The following COL16A1 variants were observed in gnomAD, a reference collection of about 807,000 sequenced individuals.
The protein encoded by COL16A1 is collagen type XVI alpha 1 chain.
A neutral mutation model predicts 266.3 loss-of-function variants in COL16A1; 189 were observed. The observed-to-expected ratio is 0.71, with a 90% CI of 0.63 to 0.80. The LOEUF (loss-of-function observed/expected upper bound fraction) is 0.80. COL16A1 is among the 30% of genes least tolerant of loss of function. The pLI is 0.00. For missense variants in COL16A1, 1,928 were observed against 2,122.4 expected (o/e 0.91, Z 1.80); for synonymous variants, 740 against 782.3 (o/e 0.95, Z 0.90).
At chr1:31,679,107 C>T in intron 42 of COL16A1, 1 of 222,498 alleles carries the variant, frequency 4.5e-6, no homozygotes, top group African/African-American at 2.3e-5. Flanking sequence ...ATTTTCTATA[C>T]TCACTCCCTG....
chr1:31,661,626 G>C (rs1293266130), intron 59 of COL16A1, 34 bp downstream of exon 59: 4 of 1,613,796 alleles, frequency 2.5e-6, no homozygotes, highest in African/African-American at 2.7e-5. Flanking sequence ...CTGCAACTTC[G>C]CAGCTTCCAA....
At position 31,668,962 on chromosome 1, in the gene COL16A1, GGAGGCCA is replaced by G; in HGVS notation, c.3196-114_3196-108del. On this transcript the variant is annotated intron_variant, in intron 49 of 70. Coordinates refer to ENST00000373672, the MANE Select transcript of COL16A1 (RefSeq NM_001856.4). This position sits in a 1 kb window ranked among gnomAD's most constrained non-coding sequence, Gnocchi z 5.8. ...TTCTGTTCCCACTCCAGGCAAATATGGAGGCCATAGTGGCTCTCGTAGTGTCCCTAGA... is the reference window on the plus strand; with the variant it reads ...TTCTGTTCCCACTCCAGGCAAATATGTAGTGGCTCTCGTAGTGTCCCTAGA... The G allele has an allele frequency of 1.1e-6, 1 of 945,208 alleles. No individual in the cohort carries two copies. Among genetic ancestry groups the G allele is most frequent in the South Asian group, 1.6e-5 (1 of 63,946 alleles). 58.6% of individuals were successfully genotyped at this position (945,208 alleles called of 1,614,324 possible). A position where few individuals can be genotyped will look rare whatever the true frequency, so the allele number is the denominator to read the frequency against.
chr1:31,672,369 A>G (rs1356237030), intron 47 of COL16A1, 47 bp downstream of exon 47: 1 of 1,608,880 alleles, frequency 6.2e-7, no homozygotes, highest in East Asian at 2.2e-5. Flanking sequence ...TCAAAGGCAG[A>G]CAGGGCCCCA....
In COL16A1 at chr1:31,688,681, G is replaced by A; in HGVS notation, c.1768-179C>T. 2 of 1,104,056 alleles carry A rather than the reference G, an allele frequency of 1.8e-6. No homozygotes were observed. The allele number at this position is 1,104,056 out of a possible 1,614,324, so 68.4% of individuals were successfully genotyped here. ...AGAGGTGCTAAGAGGAAGTTCCAGG[G>A]CAAGGAGCCTGGGGCAGCACAGGGA... On this transcript the variant is annotated intron_variant, in intron 25 of 70. Coordinates refer to ENST00000373672, the MANE Select transcript of COL16A1 (RefSeq NM_001856.4). This position sits in a 1 kb window ranked among gnomAD's most constrained non-coding sequence, Gnocchi z 4.9.
chr1:31,697,018 G>T lies in COL16A1; in HGVS notation c.809C>A (p.Ser270Tyr). Residue 270 changes from serine to tyrosine, a missense_variant, in exon 8 of 71, where the codon TCT becomes TAT. Ser to Tyr is a moderately radical substitution (Grantham distance 144). Transcript: ENST00000373672. This position sits in a 1 kb window ranked among gnomAD's most constrained non-coding sequence, Gnocchi z 4.2. ...GCAGCGGGTGTAGACCTTGCCTTCA[G>T]ACTGTGGATTGATCTCAATGAGCTC... Reference protein sequence around the residue: ...SNELIEINPQSEGKVYTRCFC... With the variant: ...SNELIEINPQYEGKVYTRCFC... 1 of 1,614,180 alleles carries T rather than the reference G, an allele frequency of 6.2e-7. No homozygotes were observed. Among genetic ancestry groups the T allele is most frequent in the South Asian group, 1.1e-5 (1 of 91,062 alleles).
intron 31 of COL16A1, 115 bp from the exon 32 acceptor site, chr1:31,684,346 A>G: frequency 6.9e-7 from 1 of 1,446,614 alleles, no homozygotes; most frequent in Non-Finnish European, 9.1e-7. Context: ...TCAGCCTGGG[A>G]AATCAAAACA....
chr1:31,678,116 CAG>C (rs796475681), intron 42 of COL16A1, among the ~76,000 whole-genome samples: 6 of 151,938 alleles, frequency 3.9e-5, no homozygotes, highest in African/African-American at 1.4e-4. Context: ...GGGATCCTGG[CAG>C]AGACTCCCAT....
chr1:31,699,876 ATCT>A lies in COL16A1; in HGVS notation c.200_202del (p.Lys67del), dbSNP rs746922654. 5.6e-6 allele frequency: 9 copies of A among 1,614,098 alleles called. No individual in the cohort carries two copies. The highest frequency in any genetic ancestry group is 7.6e-6 in the Non-Finnish European group (9 of 1,179,992). On this transcript the variant is annotated inframe_deletion, in exon 4 of 71. Transcript: ENST00000373672. ...GATGAGAGGCCCCTTGGGGTTGCGG[ATCT>A]TCTTGATGGCAGACGTCTTCATGAG...
chr1:31,687,414 GAC>G (rs143135979), intron 26 of COL16A1, among the ~76,000 whole-genome samples: 4,405 of 140,436 alleles, frequency 0.031, 206 homozygotes, highest in African/African-American at 0.1. Context: ...ACAACGCACA[GAC>G]ACACACACAC....
rs1421819324 is a variant in COL16A1 at position 31,683,683 on chromosome 1, GC to G, written c.2379+23del. On this transcript the variant is annotated intron_variant, in intron 34 of 70. Transcript: ENST00000373672. ...GCTAATGGAAGTGCTGAGAGGACAG[GC>G]AAAGGCAGGGCTAGAGACTCACCTG... is the stretch of plus-strand genomic sequence containing the variant. The G allele has an allele frequency of 1.9e-6, 3 of 1,613,966 alleles. No individual in the cohort carries two copies. The Admixed American group carries it at 5.0e-5, about 27-fold the overall frequency.
Position 31,690,556 on chromosome 1 carries a change from T to C in COL16A1, c.1455A>G (p.Pro485=), listed in dbSNP as rs199545862. 3.0e-5 allele frequency: 48 copies of C among 1,613,646 alleles called. No individual in the cohort carries two copies. The highest frequency in any genetic ancestry group is 2.6e-5 in the Non-Finnish European group (31 of 1,179,858). The change falls in exon 21 of 71, where the codon CCA becomes CCG. Residue 485 remains proline, a synonymous_variant. Coordinates refer to ENST00000373672, the MANE Select transcript of COL16A1 (RefSeq NM_001856.4). The stretch of plus-strand genomic sequence containing the variant: ...GTTTCCCACCAGGGCCTTCCTTTCC[T>C]GGGATCCCCGAGCTGCCCTGTGGTC... ...PKGDKGSSGI[P]GKEGPGGKPG...
chr1:31,667,638 G>T lies in COL16A1; in HGVS notation c.3304-10C>A. The T allele has an allele frequency of 6.2e-7, 1 of 1,603,580 alleles. No individual in the cohort carries two copies. Among genetic ancestry groups the T allele is most frequent in the South Asian group, 1.1e-5 (1 of 88,964 alleles). Reference sequence around the variant, plus strand: ...GCTCCCCCTTGATGCCCTGACAAGTGGCAAAGAGACAGTGGAATTAGCCCC... The same window carrying T: ...GCTCCCCCTTGATGCCCTGACAAGTTGCAAAGAGACAGTGGAATTAGCCCC... On this transcript the variant is annotated splice_polypyrimidine_tract_variant and intron_variant, in intron 51 of 70. Coordinates refer to ENST00000373672, the MANE Select transcript of COL16A1 (RefSeq NM_001856.4).
At chr1:31,699,390 AAG>A in intron 4 of COL16A1, among the ~76,000 whole-genome samples, 1 of 152,370 alleles carries the variant, frequency 6.6e-6, no homozygotes, top group South Asian at 2.1e-4. Flanking sequence ...AGAGATAAAA[AAG>A]AGCATTTTGA....
In COL16A1 at chr1:31,699,798, C is replaced by A; in HGVS notation, c.266+15G>T. ...GGTCAGTGTTGATTCTCAGTGGTCA[C>A]ATGGATGCATTTACCGCGTGGGCTG... On this transcript the variant is annotated intron_variant, in intron 4 of 70. Coordinates refer to ENST00000373672, the MANE Select transcript of COL16A1 (RefSeq NM_001856.4). 6.7e-7 allele frequency: 1 copy of A among 1,491,760 alleles called. No individual in the cohort carries two copies. The highest frequency in any genetic ancestry group is 9.3e-7 in the Non-Finnish European group (1 of 1,070,906). The allele number at this position is 1,491,760 out of a possible 1,614,324, so 92.4% of individuals were successfully genotyped here.
chr1:31,687,593 T>C (rs1644052417), intron 26 of COL16A1, among the ~76,000 whole-genome samples: 1 of 147,966 alleles, frequency 6.8e-6, no homozygotes, highest in African/African-American at 2.5e-5. Context: ...AGAGCCATCA[T>C]GGGCAGAACT....
intron 54 of COL16A1, 118 bp from the exon 55 acceptor site, chr1:31,665,736 T>A: frequency 6.3e-7 from 1 of 1,591,740 alleles, no homozygotes; most frequent in Non-Finnish European, 8.6e-7. Context: ...CCCTCCCCTC[T>A]GCCCACCATG....
rs781281545 is a variant in COL16A1 at position 31,668,247 on chromosome 1, GC to G, written c.3250-30del. The G allele has an allele frequency of 1.9e-6, 3 of 1,611,656 alleles. No individual in the cohort carries two copies. Among genetic ancestry groups the G allele is most frequent in the Non-Finnish European group, 2.5e-6 (3 of 1,178,084 alleles). On this transcript the variant is annotated intron_variant, in intron 50 of 70. Transcript: ENST00000373672. The surrounding 1 kb of genome is among the most constrained non-coding windows in gnomAD (Gnocchi z 5.8). The stretch of plus-strand genomic sequence containing the variant: ...CAAAGAAAGGCAGACATGATGGATA[GC>G]CCCCCAACATTTCTGTTCTCCCCTC...
At chr1:31,699,689 C>A in intron 4 of COL16A1, 124 bp downstream of exon 4, 1 of 701,066 alleles carries the variant, frequency 1.4e-6, no homozygotes, top group East Asian at 2.5e-5. Flanking sequence ...AGGTTGACTC[C>A]TGGCAGGGGC....
At position 31,670,664 on chromosome 1, in the gene COL16A1, C is replaced by G. The variant is rs1185847762; in HGVS notation, c.3151-18G>C. 1 of 1,432,910 alleles carries G rather than the reference C, an allele frequency of 7.0e-7. No individual in the cohort carries two copies. The highest frequency in any genetic ancestry group is 1.5e-5 in the African/African-American group (1 of 65,758). The allele number at this position is 1,432,910 out of a possible 1,614,324, so 88.8% of individuals were successfully genotyped here. On this transcript the variant is annotated intron_variant, in intron 48 of 70. Transcript: ENST00000373672. The surrounding 1 kb of genome is among the most constrained non-coding windows in gnomAD (Gnocchi z 4.5). ...GGGGGGCCCTGGTGGGAGAAACAGG[C>G]AGGTCACATCTCACAGGCACAGTAA...
Sources: gnomAD v4.1 joint callset for allele counts (sites outside exome capture counted in the v4.1 genomes callset) on GRCh38, gnomAD v4.1.1 for gene constraint, Gnocchi (gnomAD v3.1) non-coding constraint, MANE v1.5 for transcripts, NCBI Gene and HGNC (gene_info 2026-07-23, HGNC 2026-07-21) for gene names.